KAZN: variants seen among roughly 807,000 people sequenced by gnomAD.
KAZN encodes kazrin.
In KAZN, 40 loss-of-function variants were observed where a neutral mutation model predicts 87.4. The observed-to-expected ratio is 0.46, with a 90% CI of 0.36 to 0.60. The LOEUF (loss-of-function observed/expected upper bound fraction) is 0.60, where lower values mean the gene tolerates loss of function less well. Ranked by LOEUF, KAZN falls within the 20% of genes least tolerant of loss-of-function variation. KAZN has a pLI of 0.00. For synonymous variants in KAZN, 466 were observed against 458.3 expected (o/e 1.02, Z -0.22); for missense variants, 898 against 1,073.9 (o/e 0.84, Z 2.29).
intron 1 of KAZN, among the ~76,000 whole-genome samples, chr1:14,690,757 A>T (rs1298594561): frequency 6.6e-6 from 1 of 152,222 alleles, no homozygotes; most frequent in Non-Finnish European, 1.5e-5. Context: ...TCTAATATCC[A>T]TAATTCATTC....
chr1:14,420,561 C>A (rs180911809), intron 2 of KAZN, among the ~76,000 whole-genome samples: 1 of 152,290 alleles, frequency 6.6e-6, no homozygotes, highest in Admixed American at 6.5e-5. Flanking sequence ...GGGGTGCGCT[C>A]GTCGGGGAGG....
At chr1:14,738,211 T>C (rs1236260148) in intron 1 of KAZN, among the ~76,000 whole-genome samples, 1 of 152,080 alleles carries the variant, frequency 6.6e-6, no homozygotes, top group Non-Finnish European at 1.5e-5. Context: ...AGCTAGAGAA[T>C]CCCAAGACTG....
intron 2 of KAZN, among the ~76,000 whole-genome samples, chr1:14,182,416 A>G (rs1242005995): frequency 2.6e-5 from 4 of 152,156 alleles, no homozygotes; most frequent in African/African-American, 9.7e-5. Context: ...AAACTAACAA[A>G]GGATGAAGTG....
chr1:14,832,920 G>A (rs758850285), intron 1 of KAZN, among the ~76,000 whole-genome samples: 5 of 152,166 alleles, frequency 3.3e-5, no homozygotes, highest in Non-Finnish European at 7.3e-5. Context: ...AGGGCTTGTC[G>A]AAGGCCGCTT....
chr1:14,910,656 G>T (rs148397494), intron 1 of KAZN, among the ~76,000 whole-genome samples: 1 of 152,178 alleles, frequency 6.6e-6, no homozygotes, highest in Middle Eastern at 3.2e-3. Flanking sequence ...GCACAGAGAC[G>T]CTGCAGAGGA....
At chr1:15,112,919 C>T (rs1055288099) in intron 14 of KAZN, 7 of 180,856 alleles carry the variant, frequency 3.9e-5, no homozygotes, top group Non-Finnish European at 8.3e-5. Context: ...AGGGTTCCGG[C>T]GCAGCCCCAA....
chr1:14,382,458 T>G (rs1571462225), intron 2 of KAZN, among the ~76,000 whole-genome samples: 1 of 38,004 alleles, frequency 2.6e-5, no homozygotes, highest in Non-Finnish European at 4.6e-5. Context: ...CCCAATGCTA[T>G]CCCTCCCCCC....
At chr1:14,164,591 A>G (rs1164339168) in intron 1 of KAZN, among the ~76,000 whole-genome samples, 1 of 126,984 alleles carries the variant, frequency 7.9e-6, no homozygotes, top group African/African-American at 3.1e-5. Context: ...CCCAGACTGG[A>G]GTGCAATGGC....
chr1:14,611,227 G>C (rs1677793015), intron 1 of KAZN, among the ~76,000 whole-genome samples: 1 of 152,160 alleles, frequency 6.6e-6, no homozygotes, highest in Non-Finnish European at 1.5e-5. Flanking sequence ...TCCAATGGCT[G>C]GGACTCTGAT....
At chr1:14,348,647 G>A (rs1473518480) in intron 2 of KAZN, among the ~76,000 whole-genome samples, 4 of 152,206 alleles carry the variant, frequency 2.6e-5, no homozygotes, top group Admixed American at 2.6e-4. Flanking sequence ...CGAAGAGGGG[G>A]ATAGTTCACA....
intron 2 of KAZN, among the ~76,000 whole-genome samples, chr1:14,200,847 CT>C (rs542853245): frequency 2.0e-3 from 296 of 145,224 alleles, no homozygotes; most frequent in Middle Eastern, 7.1e-3. Flanking sequence ...GTCTTGGTTA[CT>C]TTTTTTTTTT....
At chr1:14,160,068 G>A (rs973613818) in intron 1 of KAZN, among the ~76,000 whole-genome samples, 3 of 152,176 alleles carry the variant, frequency 2.0e-5, no homozygotes, top group Admixed American at 6.5e-5. Context: ...AATGGATGAT[G>A]CCTGCACTCT....
At chr1:14,244,433 C>T (rs1166329203) in intron 2 of KAZN, among the ~76,000 whole-genome samples, 2 of 152,192 alleles carry the variant, frequency 1.3e-5, no homozygotes, top group Non-Finnish European at 2.9e-5. Flanking sequence ...TTCATTGGTT[C>T]ATTTGTTCAG....
chr1:14,450,342 A>C (rs185557450), intron 2 of KAZN, among the ~76,000 whole-genome samples: 1 of 152,232 alleles, frequency 6.6e-6, no homozygotes, highest in Admixed American at 6.5e-5. Flanking sequence ...TAATCCCAAC[A>C]CTTTCGGAGG....
intron 4 of KAZN, among the ~76,000 whole-genome samples, chr1:15,053,047 G>A (rs1457911689): frequency 6.6e-6 from 1 of 152,236 alleles, no homozygotes; most frequent in Non-Finnish European, 1.5e-5. Context: ...ATGTGGCTGG[G>A]AGTGTTTGCA....
intron 1 of KAZN, among the ~76,000 whole-genome samples, chr1:14,836,620 G>T (rs1297220408): frequency 6.6e-6 from 1 of 151,972 alleles, no homozygotes; most frequent in African/African-American, 2.4e-5. Context: ...CATCCCCGAG[G>T]CCTGAGAAGT....
At chr1:14,885,115 A>G (rs1343905074) in intron 1 of KAZN, among the ~76,000 whole-genome samples, 1 of 152,212 alleles carries the variant, frequency 6.6e-6, no homozygotes, top group African/African-American at 2.4e-5. Context: ...CTTTAACAAG[A>G]AATCAAGAAT....
intron 1 of KAZN, among the ~76,000 whole-genome samples, chr1:14,005,043 A>C (rs1639976792): frequency 6.6e-6 from 1 of 152,172 alleles, no homozygotes; most frequent in Admixed American, 6.5e-5. Flanking sequence ...TCCAGCCTCC[A>C]TAACTGCAAG....
chr1:14,221,799 AT>A (rs778052797), intron 2 of KAZN: 1 of 152,218 alleles, frequency 6.6e-6, no homozygotes, highest in East Asian at 1.9e-4. Flanking sequence ...TTTTAAAAAA[AT>A]ACCTCTTAAA....
Sources: allele counts gnomAD v4.1 joint callset (sites outside exome capture counted in the v4.1 genomes callset), GRCh38; gene constraint gnomAD v4.1.1; transcripts MANE v1.5; gene names NCBI Gene and HGNC (gene_info 2026-07-23, HGNC 2026-07-21).